GRIK2: variants seen among roughly 807,000 people sequenced by gnomAD.
GRIK2 encodes the protein glutamate ionotropic receptor kainate type subunit 2.
A neutral mutation model predicts 100.3 loss-of-function variants in GRIK2; 32 were observed. The observed-to-expected ratio is 0.32, with a 90% CI of 0.24 to 0.43. The LOEUF is 0.43. Ranked by LOEUF, GRIK2 falls within the 20% of genes least tolerant of loss-of-function variation. The pLI is 1.00. For synonymous variants in GRIK2, 417 were observed against 389.4 expected (o/e 1.07, Z -0.83); for missense variants, 843 against 1,114.9 (o/e 0.76, Z 3.47).
intron 12 of GRIK2, among the ~76,000 whole-genome samples, chr6:101,898,862 T>A (rs1285284304): frequency 6.6e-6 from 1 of 152,062 alleles, no homozygotes; most frequent in East Asian, 1.9e-4. Context: ...ATTTTAGTGA[T>A]AAATCACATC....
At chr6:101,513,934 A>G (rs920014760) in intron 2 of GRIK2, among the ~76,000 whole-genome samples, 1 of 152,148 alleles carries the variant, frequency 6.6e-6, no homozygotes, top group African/African-American at 2.4e-5. Context: ...TAGGGAAAAA[A>G]TGATAAGGTA....
chr6:102,016,872 TAGAG>T (rs1211818701), intron 14 of GRIK2, among the ~76,000 whole-genome samples: 1 of 151,990 alleles, frequency 6.6e-6, no homozygotes, highest in African/African-American at 2.4e-5. Flanking sequence ...AAAGCAGCTA[TAGAG>T]AAAGGACAGG....
At chr6:101,982,066 G>A (rs1386822747) in intron 14 of GRIK2, among the ~76,000 whole-genome samples, 1 of 151,868 alleles carries the variant, frequency 6.6e-6, no homozygotes, top group Non-Finnish European at 1.5e-5. Context: ...TTCGCTATTT[G>A]AAGCCAAATA....
intron 14 of GRIK2, among the ~76,000 whole-genome samples, chr6:101,947,035 G>T (rs899534925): frequency 2.6e-5 from 4 of 152,012 alleles, no homozygotes; most frequent in African/African-American, 7.2e-5. Context: ...CTTTTAAAAA[G>T]ATTTACATTC....
intron 10 of GRIK2, among the ~76,000 whole-genome samples, chr6:101,857,565 G>C (rs1784492003): frequency 6.6e-6 from 1 of 152,164 alleles, no homozygotes; most frequent in Admixed American, 6.5e-5. Flanking sequence ...CCAGGGGTTG[G>C]GGAAGAGGGT....
At chr6:101,473,730 C>A (rs1772075927) in intron 2 of GRIK2, among the ~76,000 whole-genome samples, 1 of 151,654 alleles carries the variant, frequency 6.6e-6, no homozygotes, top group Non-Finnish European at 1.5e-5. Flanking sequence ...GTACTGGGTG[C>A]CCTTAGGTTT....
chr6:101,872,216 C>T (rs1436469729), intron 11 of GRIK2, among the ~76,000 whole-genome samples: 1 of 151,846 alleles, frequency 6.6e-6, no homozygotes, highest in Non-Finnish European at 1.5e-5. Context: ...AACATTAACC[C>T]AGTAACCATT....
chr6:102,063,221 G>A (rs1015916934), intron 16 of GRIK2, among the ~76,000 whole-genome samples: 2 of 150,638 alleles, frequency 1.3e-5, no homozygotes, highest in East Asian at 3.9e-4. Context: ...AGTAGAAATT[G>A]TATGTAGAAA....
chr6:101,595,716 G>GTATATATATA (rs751726535), intron 2 of GRIK2, among the ~76,000 whole-genome samples: 30 of 133,786 alleles, frequency 2.2e-4, no homozygotes, highest in East Asian at 8.7e-4. Context: ...GTGTGTGTGT[G>GTATATATATA]TGTATATATA....
chr6:101,766,913 G>C (rs1157514886), intron 7 of GRIK2, among the ~76,000 whole-genome samples: 1 of 152,202 alleles, frequency 6.6e-6, no homozygotes, highest in Admixed American at 6.5e-5. Context: ...CAGTAGATAA[G>C]ATGGCATGCA....
chr6:102,021,258 A>G (rs1483458683), intron 14 of GRIK2, among the ~76,000 whole-genome samples: 1 of 151,734 alleles, frequency 6.6e-6, no homozygotes, highest in East Asian at 1.9e-4. Context: ...GTGTCAGAGT[A>G]AATAAATCTT....
At chr6:101,928,868 A>C (rs538399585) in intron 14 of GRIK2, among the ~76,000 whole-genome samples, 1 of 152,264 alleles carries the variant, frequency 6.6e-6, no homozygotes, top group East Asian at 1.9e-4. Flanking sequence ...TCCTGTTTTG[A>C]GGAAAATCAG....
In GRIK2 at chr6:101,909,372, TTTTCTTTTTC is replaced by T. The variant is rs1418658490; in HGVS notation, c.1749-15225_1749-15216del. On this transcript the variant is annotated intron_variant, in intron 12 of 16. Coordinates refer to ENST00000369134, the MANE Select transcript of GRIK2 (RefSeq NM_021956.5). ...TTTTGGATGCTGAAGGAAGATAGGG[TTTTCTTTTTC>T]TTTTTTTTTTTTTTAAAGATCATTT... 1.3e-3 allele frequency among the ~76,000 whole-genome samples: 65 copies of T among 50,632 alleles called. 4 individuals carry two copies. Among genetic ancestry groups the T allele is most frequent in the Admixed American group, 2.6e-3 (11 of 4,300 alleles). The allele number at this position is 50,632 out of a possible 152,430, so 33.2% of individuals were successfully genotyped here. A position where few individuals can be genotyped will look rare whatever the true frequency, so the allele number is the denominator to read the frequency against.
At chr6:101,862,892 T>G (rs893320464) in intron 11 of GRIK2, among the ~76,000 whole-genome samples, 3 of 152,188 alleles carry the variant, frequency 2.0e-5, no homozygotes, top group African/African-American at 7.2e-5. Flanking sequence ...GATTTTCCAT[T>G]GGGCTGATCA....
At chr6:101,665,512 T>C (rs1294598892) in intron 4 of GRIK2, among the ~76,000 whole-genome samples, 1 of 152,186 alleles carries the variant, frequency 6.6e-6, no homozygotes, top group Non-Finnish European at 1.5e-5. Flanking sequence ...ACCTAGGTGA[T>C]TTCATGTGTT....
At chr6:101,917,620 C>T (rs1201597209) in intron 12 of GRIK2, among the ~76,000 whole-genome samples, 2 of 150,554 alleles carry the variant, frequency 1.3e-5, no homozygotes, top group African/African-American at 4.9e-5. Context: ...TGTAACTTCT[C>T]TTATTAAGAA....
intron 10 of GRIK2, among the ~76,000 whole-genome samples, chr6:101,843,118 A>C (rs1199490053): frequency 6.6e-6 from 1 of 152,226 alleles, no homozygotes; most frequent in Non-Finnish European, 1.5e-5. Context: ...TGAAAAATAC[A>C]TAAAGAGAAT....
intron 2 of GRIK2, among the ~76,000 whole-genome samples, chr6:101,409,327 T>G (rs1385042224): frequency 6.6e-6 from 1 of 152,074 alleles, no homozygotes; most frequent in Non-Finnish European, 1.5e-5. Context: ...AGGTATATAG[T>G]AGGCTATACC....
chr6:101,416,198 G>A (rs941474073), intron 2 of GRIK2, among the ~76,000 whole-genome samples: 4 of 152,210 alleles, frequency 2.6e-5, no homozygotes, highest in African/African-American at 9.7e-5. Flanking sequence ...TCAACCAGGA[G>A]CCTTGTGATC....
Sources: allele counts gnomAD v4.1 joint callset (sites outside exome capture counted in the v4.1 genomes callset), GRCh38; gene constraint gnomAD v4.1.1; transcripts MANE v1.5; gene names NCBI Gene and HGNC (gene_info 2026-07-23, HGNC 2026-07-21).